Variants in DOCK3 observed in about 807,000 individuals in gnomAD.
The protein encoded by DOCK3 is dedicator of cytokinesis 3, also known as dedicator of cytokinesis protein 3.
A neutral mutation model predicts 265.6 loss-of-function variants in DOCK3; 60 were observed. The observed-to-expected ratio is 0.23, with a 90% CI of 0.18 to 0.28. The LOEUF is 0.28. Ranked by LOEUF, DOCK3 falls within the 10% of genes least tolerant of loss-of-function variation. The pLI is 1.00. For missense variants in DOCK3, 1,981 were observed against 2,594.3 expected (o/e 0.76, Z 5.14); for synonymous variants, 881 against 938.0 (o/e 0.94, Z 1.11).
Position 51,361,753 on chromosome 3 carries a change from G to T in DOCK3, c.5007-106G>T. ...CATTGACTATGGAACCCTCCAAACC[G>T]GTGGTAGCTGAAACCAGGGATGACT... On this transcript the variant is annotated intron_variant, in intron 47 of 52. Transcript: ENST00000266037. The surrounding 1 kb of genome is among the most constrained non-coding windows in gnomAD (Gnocchi z 4.2). 7.0e-7 allele frequency: 1 copy of T among 1,438,244 alleles called. No homozygotes were observed. 89.1% of individuals were successfully genotyped at this position (1,438,244 alleles called of 1,614,324 possible).
chr3:50,888,846 A>G (rs2048482636), intron 3 of DOCK3, among the ~76,000 whole-genome samples: 1 of 152,258 alleles, frequency 6.6e-6, no homozygotes, highest in South Asian at 2.1e-4. Context: ...CTTACACCTT[A>G]TACAAAAATT....
intron 12 of DOCK3, among the ~76,000 whole-genome samples, chr3:51,172,053 A>G (rs953056626): frequency 6.6e-6 from 1 of 152,196 alleles, no homozygotes; most frequent in African/African-American, 2.4e-5. Context: ...TACTTGGATG[A>G]ATTCACTCTT....
intron 3 of DOCK3, chr3:50,877,289 T>C (rs2047749304): frequency 2.8e-6 from 1 of 363,000 alleles, no homozygotes; most frequent in South Asian, 2.1e-5. Flanking sequence ...TTGATATTTC[T>C]ATTCAACCTT....
At chr3:51,169,233 TGG>T (rs1443234566) in intron 12 of DOCK3, among the ~76,000 whole-genome samples, 1 of 152,216 alleles carries the variant, frequency 6.6e-6, no homozygotes, top group Non-Finnish European at 1.5e-5. Flanking sequence ...ATTCCATTAC[TGG>T]ATATATACCC....
chr3:50,997,415 T>C (rs1165701294), intron 5 of DOCK3, among the ~76,000 whole-genome samples: 1 of 152,244 alleles, frequency 6.6e-6, no homozygotes, highest in East Asian at 1.9e-4. Flanking sequence ...CTTGGAAGTA[T>C]ATATATATTT....
chr3:51,135,380 C>G (rs2084746771), intron 9 of DOCK3, among the ~76,000 whole-genome samples: 1 of 152,176 alleles, frequency 6.6e-6, no homozygotes, highest in Non-Finnish European at 1.5e-5. Context: ...GCATTGCAGC[C>G]CAGATGCTCA....
chr3:50,902,311 G>A (rs2049241859), intron 4 of DOCK3, among the ~76,000 whole-genome samples: 1 of 152,140 alleles, frequency 6.6e-6, no homozygotes, highest in African/African-American at 2.4e-5. Context: ...GGTTTTTATA[G>A]TGTTGGGTTT....
In DOCK3 at chr3:51,054,850, G is replaced by A. The variant is rs1272011713; in HGVS notation, c.316-9598G>A. Among the ~76,000 whole-genome samples, 4 of 151,918 alleles carry A rather than the reference G, an allele frequency of 2.6e-5. No individual in the cohort carries two copies. In the East Asian group the frequency reaches 7.7e-4, roughly 29 times the overall value. ...GGATGGATGTGCTATAATTTCTGTG[G>A]TCTTGTAAAATATTAATTATTTTTT... On this transcript the variant is annotated intron_variant, in intron 5 of 52. Transcript: ENST00000266037.
rs373753412 is a variant in DOCK3, at chr3:51,214,187, A to G, written c.1192A>G (p.Ile398Val). The change falls in exon 14 of 53, where the codon ATA becomes GTA. Residue 398 changes from isoleucine to valine, a missense_variant. Physicochemically the swap from Ile to Val is conservative, Grantham distance 29. This residue lies in a region of DOCK3 where 456 missense variants were observed against 539.0 expected (regional missense o/e 0.85). Transcript: ENST00000266037. Reference protein sequence around the residue: ...MEQIRRENPMIFNRGLAITRK... With the variant: ...MEQIRRENPMVFNRGLAITRK... ...ACAGATTCGGAGAGAAAATCCCATGATATTTAATAGGGGATTGGCAATTAC... is the reference window on the plus strand; with the variant it reads ...ACAGATTCGGAGAGAAAATCCCATGGTATTTAATAGGGGATTGGCAATTAC... 5.0e-6 allele frequency: 8 copies of G among 1,613,726 alleles called. No individual in the cohort carries two copies. Among genetic ancestry groups the G allele is most frequent in the Non-Finnish European group, 6.8e-6 (8 of 1,179,840 alleles).
chr3:50,847,616 G>T (rs1373940736), intron 3 of DOCK3, among the ~76,000 whole-genome samples: 2 of 152,078 alleles, frequency 1.3e-5, no homozygotes, highest in Non-Finnish European at 2.9e-5. Flanking sequence ...AAGTGCAGTG[G>T]CTTATGTCTG....
intron 5 of DOCK3, among the ~76,000 whole-genome samples, chr3:51,015,277 A>G (rs147525669): frequency 6.6e-5 from 10 of 152,126 alleles, no homozygotes; most frequent in East Asian, 5.8e-4. Flanking sequence ...TCTGTTATAT[A>G]TGGCTTTTAC....
At chr3:50,889,599 A>G (rs2048546118) in intron 3 of DOCK3, among the ~76,000 whole-genome samples, 1 of 151,988 alleles carries the variant, frequency 6.6e-6, no homozygotes, top group Admixed American at 6.6e-5. Flanking sequence ...ACTCCTGTGA[A>G]TATTAATGTT....
chr3:51,096,790 G>C (rs1048267375), intron 9 of DOCK3, among the ~76,000 whole-genome samples: 4 of 152,194 alleles, frequency 2.6e-5, no homozygotes, highest in African/African-American at 9.6e-5. Flanking sequence ...ATCTACCTTT[G>C]ATCTTTGATG....
chr3:51,026,112 G>A (rs566754709), intron 5 of DOCK3, among the ~76,000 whole-genome samples: 1 of 152,150 alleles, frequency 6.6e-6, no homozygotes, highest in East Asian at 1.9e-4. Context: ...AGTGGGAGAG[G>A]CAAGCTAACA....
intron 12 of DOCK3, among the ~76,000 whole-genome samples, chr3:51,202,821 T>C (rs151092757): frequency 4.0e-4 from 61 of 151,350 alleles, no homozygotes; most frequent in Non-Finnish European, 7.1e-4. Context: ...TTATCCACCA[T>C]GATCAAGTGG....
chr3:51,185,460 A>C (rs192618066), intron 12 of DOCK3, among the ~76,000 whole-genome samples: 13 of 152,352 alleles, frequency 8.5e-5, no homozygotes, highest in Non-Finnish European at 1.6e-4. Context: ...AGTAGCCTGC[A>C]AGCACCAAGT....
At chr3:50,737,809 C>G (rs2038739936) in intron 1 of DOCK3, among the ~76,000 whole-genome samples, 1 of 152,112 alleles carries the variant, frequency 6.6e-6, no homozygotes, top group Non-Finnish European at 1.5e-5. Flanking sequence ...TATTATTTTC[C>G]TTATTTCATT....
chr3:51,003,395 CCT>C (rs2078554078), intron 5 of DOCK3, among the ~76,000 whole-genome samples: 1 of 152,118 alleles, frequency 6.6e-6, no homozygotes, highest in Admixed American at 6.6e-5. Flanking sequence ...TCTCTAAATC[CCT>C]CTGTCTCTAT....
At chr3:50,729,356 T>TTTTA (rs112747126) in intron 1 of DOCK3, among the ~76,000 whole-genome samples, 127,071 of 141,660 alleles carry the variant, frequency 0.9, 57,169 homozygotes, top group East Asian at 0.94. Flanking sequence ...TTTATTTTTA[T>TTTTA]TTTATTTATT....
Sources: allele counts gnomAD v4.1 joint callset (sites outside exome capture counted in the v4.1 genomes callset), GRCh38; gene constraint gnomAD v4.1.1; regional missense constraint gnomAD v4.1.1; non-coding constraint Gnocchi (gnomAD v3.1); transcripts MANE v1.5; gene names NCBI Gene and HGNC (gene_info 2026-07-23, HGNC 2026-07-21).